RIMBP2: variants seen among roughly 807,000 people sequenced by gnomAD.
RIMBP2 encodes RIMS-binding protein 2.
Under a neutral mutation model 118.6 loss-of-function variants are expected in RIMBP2, and 48 were observed. The ratio of observed to expected loss-of-function variants is 0.40; its 90% CI spans 0.32 to 0.51. The LOEUF is 0.51. Among genes scored for constraint, RIMBP2 ranks in the 20% least tolerant of loss-of-function variants. RIMBP2 has a pLI of 0.41. For synonymous variants in RIMBP2, 762 were observed against 742.9 expected (o/e 1.03, Z -0.42); for missense variants, 1,551 against 1,768.3 (o/e 0.88, Z 2.20).
Position 130,525,297 on chromosome 12 carries a change from G to A in RIMBP2, c.-216-7380C>T, listed in dbSNP as rs1345472018. Among the ~76,000 whole-genome samples, 1 of 152,228 alleles carries A rather than the reference G, an allele frequency of 6.6e-6. No homozygotes were observed. Among genetic ancestry groups the A allele is most frequent in the Non-Finnish European group, 1.5e-5 (1 of 68,042 alleles). On this transcript the variant is annotated intron_variant, in intron 2 of 22. Transcript: ENST00000690449. This position sits in a 1 kb window ranked among gnomAD's most constrained non-coding sequence, Gnocchi z 4.4. ...GCCCAGAAGCCAAGCAGCATTGCGGGCATCTCCGTGACCTCCAGGAGAGGC... is the reference window on the plus strand; with the variant it reads ...GCCCAGAAGCCAAGCAGCATTGCGGACATCTCCGTGACCTCCAGGAGAGGC...
intron 4 of RIMBP2, among the ~76,000 whole-genome samples, chr12:130,487,880 C>A (rs1166551532): frequency 6.6e-6 from 1 of 152,112 alleles, no homozygotes; most frequent in Non-Finnish European, 1.5e-5. Context: ...ACGCCCCCAG[C>A]CCACACTCCC....
intron 1 of RIMBP2, among the ~76,000 whole-genome samples, chr12:130,657,092 C>A (rs1052964646): frequency 6.6e-6 from 1 of 152,150 alleles, no homozygotes; most frequent in Non-Finnish European, 1.5e-5. Flanking sequence ...GAGATAGGGT[C>A]TTGCTATGTT....
At chr12:130,678,328 G>T (rs939395518) in intron 1 of RIMBP2, among the ~76,000 whole-genome samples, 1 of 152,210 alleles carries the variant, frequency 6.6e-6, no homozygotes, top group South Asian at 2.1e-4. Context: ...CCAGGAGCCC[G>T]AGGCTGACAG....
At chr12:130,655,390 A>G (rs1473737685) in intron 1 of RIMBP2, among the ~76,000 whole-genome samples, 4 of 152,148 alleles carry the variant, frequency 2.6e-5, no homozygotes, top group Non-Finnish European at 5.9e-5. Flanking sequence ...TAACTATTCA[A>G]ATATCTGTGG....
At chr12:130,608,603 A>G (rs1319912097) in intron 2 of RIMBP2, among the ~76,000 whole-genome samples, 1 of 152,150 alleles carries the variant, frequency 6.6e-6, no homozygotes, top group East Asian at 1.9e-4. Context: ...AGTGGGGAGA[A>G]GCATCTCCAC....
At chr12:130,474,854 G>A (rs1027320105) in intron 5 of RIMBP2, among the ~76,000 whole-genome samples, 18 of 152,214 alleles carry the variant, frequency 1.2e-4, no homozygotes, top group African/African-American at 4.1e-4. Context: ...TTCTACCATC[G>A]TCATGACCAT....
intron 2 of RIMBP2, among the ~76,000 whole-genome samples, chr12:130,606,242 T>C (rs1169842137): frequency 6.6e-6 from 1 of 152,216 alleles, no homozygotes; most frequent in East Asian, 1.9e-4. Flanking sequence ...CACAGGTGTT[T>C]TCTTGTCTGT....
At position 130,623,578 on chromosome 12, in the gene RIMBP2, T is replaced by C. The variant is rs1293308488; in HGVS notation, c.-217+4744A>G. On this transcript the variant is annotated intron_variant, in intron 2 of 22. Transcript: ENST00000690449. This position sits in a 1 kb window ranked among gnomAD's most constrained non-coding sequence, Gnocchi z 4.1. ...TGTGTGCATCTACATATAGCACAAT[T>C]GTTCATCAACAGCAGCAAGTGCCTT... Among the ~76,000 whole-genome samples the C allele has an allele frequency of 2.6e-5, 4 of 152,158 alleles. No individual in the cohort carries two copies. Among genetic ancestry groups the C allele is most frequent in the Non-Finnish European group, 5.9e-5 (4 of 68,030 alleles).
At chr12:130,673,781 T>C (rs1381355101) in intron 1 of RIMBP2, among the ~76,000 whole-genome samples, 2 of 152,044 alleles carry the variant, frequency 1.3e-5, no homozygotes, top group Non-Finnish European at 2.9e-5. Flanking sequence ...CTTCTTATGA[T>C]AGTGAGTTAC....
intron 1 of RIMBP2, among the ~76,000 whole-genome samples, chr12:130,645,700 G>A (rs182035126): frequency 1.1e-4 from 17 of 152,296 alleles, no homozygotes; most frequent in East Asian, 1.9e-4. Context: ...CAAAGTCCTC[G>A]CTGATGACAT....
At chr12:130,604,091 C>T (rs2060019074) in intron 2 of RIMBP2, among the ~76,000 whole-genome samples, 1 of 152,116 alleles carries the variant, frequency 6.6e-6, no homozygotes, top group Non-Finnish European at 1.5e-5. Flanking sequence ...TGTGATGATC[C>T]TGACCCCGGG....
rs777097560 is a variant in RIMBP2, at chr12:130,604,582, C to CTTTTTT, written c.-217+23739_-217+23740insAAAAAA. Among the ~76,000 whole-genome samples, 306 of 67,106 alleles carry CTTTTTT rather than the reference C, an allele frequency of 4.6e-3. 23 individuals are homozygous for CTTTTTT. Among genetic ancestry groups the CTTTTTT allele is most frequent in the Middle Eastern group, 8.9e-3 (1 of 112 alleles). The allele number at this position is 67,106 out of a possible 152,430, so 44.0% of individuals were successfully genotyped here. A position where few individuals can be genotyped will look rare whatever the true frequency, so the allele number is the denominator to read the frequency against. Reference sequence around the variant, plus strand: ...AGTGCCCTATACAGATGCCCCTTTTCTTTCTTTTTTTTTTTTTTTGAGACA... The same window carrying CTTTTTT: ...AGTGCCCTATACAGATGCCCCTTTTCTTTTTTTTTCTTTTTTTTTTTTTTTGAGACA... On this transcript the variant is annotated intron_variant, in intron 2 of 22. Transcript: ENST00000690449.
chr12:130,659,121 T>C (rs79335646), intron 1 of RIMBP2, among the ~76,000 whole-genome samples: 2,136 of 152,258 alleles, frequency 0.014, 42 homozygotes, highest in African/African-American at 0.049. Context: ...CCCAGTGCTA[T>C]CCAAGAGAAA....
intron 4 of RIMBP2, among the ~76,000 whole-genome samples, chr12:130,480,669 T>C (rs1229604858): frequency 2.0e-5 from 3 of 152,046 alleles, no homozygotes; most frequent in African/African-American, 7.3e-5. Flanking sequence ...GGCAGGATCT[T>C]GGCTCACTGC....
chr12:130,569,112 C>T (rs2057441540), intron 2 of RIMBP2, among the ~76,000 whole-genome samples: 1 of 152,030 alleles, frequency 6.6e-6, no homozygotes, highest in South Asian at 2.1e-4. Flanking sequence ...TCACATGAAG[C>T]AGACTGGGAA....
At position 130,442,524 on chromosome 12, in the gene RIMBP2, C is replaced by A. The variant is rs1460358392; in HGVS notation, c.828G>T (p.Leu276=). 1.2e-6 allele frequency: 2 copies of A among 1,614,158 alleles called. No individual in the cohort carries two copies. The highest frequency in any genetic ancestry group is 1.6e-4 in the Middle Eastern group (1 of 6,062). The stretch of plus-strand genomic sequence containing the variant: ...GGAGGTCCAGGATGTGCTCTCCCTC[C>A]AGGCCGATGCCGGAATGGTTGATGA... The part of the protein sequence containing the change: ...QNFINHSGIG[L]EGEHILDLHS... Residue 276 remains leucine, a synonymous_variant, in exon 11 of 23, where the codon CTG becomes CTT. Coordinates refer to ENST00000690449, the MANE Select transcript of RIMBP2 (RefSeq NM_001393629.1). This position sits in a 1 kb window ranked among gnomAD's most constrained non-coding sequence, Gnocchi z 6.9.
chr12:130,674,736 G>A (rs986905886), intron 1 of RIMBP2, among the ~76,000 whole-genome samples: 5 of 151,908 alleles, frequency 3.3e-5, no homozygotes, highest in African/African-American at 7.3e-5. Context: ...ACCCCAAGCC[G>A]AAACCCCATA....
chr12:130,650,928 G>A (rs1441490402), intron 1 of RIMBP2, among the ~76,000 whole-genome samples: 10 of 115,374 alleles, frequency 8.7e-5, no homozygotes, highest in Non-Finnish European at 1.4e-4. Flanking sequence ...GCATTTTCTT[G>A]AACAAAAATT....
intron 2 of RIMBP2, among the ~76,000 whole-genome samples, chr12:130,545,334 C>T (rs917942239): frequency 2.6e-5 from 4 of 152,082 alleles, no homozygotes; most frequent in African/African-American, 4.8e-5. Context: ...TCTCAACCAA[C>T]GTGTGCCCTA....
Sources: allele counts gnomAD v4.1 joint callset (sites outside exome capture counted in the v4.1 genomes callset), GRCh38; gene constraint gnomAD v4.1.1; non-coding constraint Gnocchi (gnomAD v3.1); transcripts MANE v1.5; gene names NCBI Gene and HGNC (gene_info 2026-07-23, HGNC 2026-07-21).